Variants in TAFA1 observed in about 807,000 individuals in gnomAD.
TAFA1 encodes TAFA chemokine like family member 1.
In TAFA1, 4 loss-of-function variants were observed where a neutral mutation model predicts 18.5. The ratio of observed to expected loss-of-function variants is 0.22; its 90% CI spans 0.11 to 0.49. The LOEUF (loss-of-function observed/expected upper bound fraction) is 0.49. Among genes scored for constraint, TAFA1 ranks in the 20% least tolerant of loss-of-function variants. The probability of loss-of-function intolerance (pLI) is 0.98; values close to 1 mark genes in which losing one functional copy is unlikely to be tolerated. For missense variants in TAFA1, 147 were observed against 169.0 expected (o/e 0.87, Z 0.72); for synonymous variants, 56 against 55.2 (o/e 1.01, Z -0.06).
intron 3 of TAFA1, among the ~76,000 whole-genome samples, chr3:68,467,374 GTTC>G (rs2071908676): frequency 6.6e-6 from 1 of 152,194 alleles, no homozygotes; most frequent in Non-Finnish European, 1.5e-5. Flanking sequence ...CACAGTTTAT[GTTC>G]TTCTGTCATG....
At chr3:68,403,347 T>G (rs1247581523) in intron 2 of TAFA1, among the ~76,000 whole-genome samples, 1 of 152,210 alleles carries the variant, frequency 6.6e-6, no homozygotes, top group Non-Finnish European at 1.5e-5. Context: ...CTCATGGGCT[T>G]CAAACAGCAA....
chr3:68,037,072 A>G (rs1034262775), intron 2 of TAFA1, among the ~76,000 whole-genome samples: 9 of 152,162 alleles, frequency 5.9e-5, no homozygotes, highest in African/African-American at 1.9e-4. Flanking sequence ...ATGAGGAGAC[A>G]TAGCTTGGGA....
chr3:68,532,555 G>A (rs186105873), intron 3 of TAFA1, among the ~76,000 whole-genome samples: 173 of 152,216 alleles, frequency 1.1e-3, no homozygotes, highest in Middle Eastern at 3.4e-3. Context: ...AGCCATTTCT[G>A]TGTCTACAGC....
In TAFA1 at chr3:68,334,237, A is replaced by G. The variant is rs534010071; in HGVS notation, c.119-83043A>G. Among the ~76,000 whole-genome samples the G allele has an allele frequency of 2.6e-5, 4 of 152,348 alleles. No homozygotes were observed. The South Asian group carries it at 8.3e-4, about 32-fold the overall frequency. On this transcript the variant is annotated intron_variant, in intron 2 of 4. Transcript: ENST00000478136. ...TTACTATGCATTTATACATAGAAAAAATGGTATGGGTAGGGCCATTTATAC... is the reference window on the plus strand; with the variant it reads ...TTACTATGCATTTATACATAGAAAAGATGGTATGGGTAGGGCCATTTATAC...
rs561913824 is a variant in TAFA1, at chr3:68,223,622, G to A, written c.119-193658G>A. Among the ~76,000 whole-genome samples the A allele has an allele frequency of 8.8e-4, 134 of 151,958 alleles. 1 individual carries two copies. The highest frequency in any genetic ancestry group is 1.1e-3 in the Non-Finnish European group (72 of 67,978). On this transcript the variant is annotated intron_variant, in intron 2 of 4. Transcript: ENST00000478136. ...CTACAGAGAGGCACAATATGCAACT[G>A]TGGGAAACCCTCCAAGCCTTGGAAG...
At chr3:68,400,056 C>T (rs759470133) in intron 2 of TAFA1, among the ~76,000 whole-genome samples, 1 of 152,178 alleles carries the variant, frequency 6.6e-6, no homozygotes, top group Non-Finnish European at 1.5e-5. Context: ...TCTGACTTAA[C>T]CAGCTTGGAT....
At position 68,369,071 on chromosome 3, in the gene TAFA1, T is replaced by G. The variant is rs967468846; in HGVS notation, c.119-48209T>G. Among the ~76,000 whole-genome samples the G allele has an allele frequency of 7.9e-5, 12 of 152,366 alleles. No individual in the cohort carries two copies. In the East Asian group the frequency reaches 2.3e-3, roughly 29 times the overall value. ...TTGTCAAAATAGATAGCCTATATTT[T>G]GCTATAGCAGGCACTTCACTTCTTT... On this transcript the variant is annotated intron_variant, in intron 2 of 4. Coordinates refer to ENST00000478136, the MANE Select transcript of TAFA1 (RefSeq NM_213609.4).
Position 68,231,344 on chromosome 3 carries a change from A to ATTTTT in TAFA1, c.119-185913_119-185909dup, listed in dbSNP as rs1175174572. ...ATCTACCCATGCTTTAATCTATTTG[A>ATTTTT]TTTTTTTTTTTTTTTTTTTTTTTTT... On this transcript the variant is annotated intron_variant, in intron 2 of 4. Transcript: ENST00000478136. Among the ~76,000 whole-genome samples, 310 of 79,880 alleles carry ATTTTT rather than the reference A, an allele frequency of 3.9e-3. 38 individuals are homozygous for ATTTTT. The highest frequency in any genetic ancestry group is 0.014 in the African/African-American group (277 of 19,768). The allele number at this position is 79,880 out of a possible 152,430, so 52.4% of individuals were successfully genotyped here.
chr3:68,114,848 G>T (rs1222013934), intron 2 of TAFA1, among the ~76,000 whole-genome samples: 1 of 152,040 alleles, frequency 6.6e-6, no homozygotes, highest in Non-Finnish European at 1.5e-5. Flanking sequence ...TCATATAATG[G>T]AATCCTATAA....
intron 2 of TAFA1, among the ~76,000 whole-genome samples, chr3:68,211,047 C>T (rs1448157700): frequency 6.6e-6 from 1 of 151,976 alleles, no homozygotes; most frequent in Non-Finnish European, 1.5e-5. Flanking sequence ...TATGGGGCTG[C>T]TAGAGTCTCT....
intron 2 of TAFA1, among the ~76,000 whole-genome samples, chr3:68,392,341 G>A (rs1014309890): frequency 1.3e-5 from 2 of 151,990 alleles, no homozygotes; most frequent in South Asian, 4.2e-4. Context: ...TCCAATACAG[G>A]AGCACCCAGA....
intron 2 of TAFA1, among the ~76,000 whole-genome samples, chr3:68,356,644 C>T (rs2106785285): frequency 6.6e-6 from 1 of 151,910 alleles, no homozygotes; most frequent in Admixed American, 6.6e-5. Context: ...ACCAAAGATC[C>T]TAAAACTTAG....
chr3:68,218,249 C>T (rs1017474990), intron 2 of TAFA1, among the ~76,000 whole-genome samples: 1 of 152,086 alleles, frequency 6.6e-6, no homozygotes, highest in African/African-American at 2.4e-5. Context: ...TTTTTCTCAA[C>T]ATCGACTGGC....
At chr3:68,145,794 G>T (rs549627853) in intron 2 of TAFA1, among the ~76,000 whole-genome samples, 1 of 152,138 alleles carries the variant, frequency 6.6e-6, no homozygotes, top group African/African-American at 2.4e-5. Context: ...AGATGCCTAG[G>T]CCCTATGAAG....
At chr3:68,000,644 G>C (rs1222494780), upstream of TAFA1, among the ~76,000 whole-genome samples, 1 of 152,216 alleles carries the variant, frequency 6.6e-6, no homozygotes, top group Non-Finnish European at 1.5e-5. Flanking sequence ...GTGACATAAT[G>C]ATCATGTGTC....
intron 2 of TAFA1, among the ~76,000 whole-genome samples, chr3:68,362,962 T>C (rs2069496606): frequency 7.1e-6 from 1 of 141,694 alleles, no homozygotes; most frequent in Admixed American, 7.1e-5. Flanking sequence ...TTTAACGATG[T>C]AAGCCCTGTC....
At chr3:68,169,654 T>G (rs2066027739) in intron 2 of TAFA1, among the ~76,000 whole-genome samples, 1 of 152,250 alleles carries the variant, frequency 6.6e-6, no homozygotes, top group African/African-American at 2.4e-5. Context: ...CAAATGAAAG[T>G]TCAAAATATT....
rs1206341304 is a variant in TAFA1, at chr3:68,112,588, G to A, written c.118+105844G>A. ...AGTCTGGGACTAACAAAAGATGCCT[G>A]CTATAAACATTATTTTTTAATGTTG... On this transcript the variant is annotated intron_variant, in intron 2 of 4. Transcript: ENST00000478136. Among the ~76,000 whole-genome samples, 4 of 151,984 alleles carry A rather than the reference G, an allele frequency of 2.6e-5. No individual in the cohort carries two copies. The East Asian group carries it at 7.7e-4, about 29-fold the overall frequency.
At chr3:68,306,746 C>A (rs948223062) in intron 2 of TAFA1, among the ~76,000 whole-genome samples, 4 of 152,218 alleles carry the variant, frequency 2.6e-5, no homozygotes, top group African/African-American at 9.6e-5. Context: ...GGGTAAGCCA[C>A]CTAGGTTGCT....
Sources: gnomAD v4.1 joint callset for allele counts (sites outside exome capture counted in the v4.1 genomes callset) on GRCh38, gnomAD v4.1.1 for gene constraint, MANE v1.5 for transcripts, NCBI Gene and HGNC (gene_info 2026-07-23, HGNC 2026-07-21) for gene names.